The following PCDHGA5 variants were observed in gnomAD, a reference collection of about 807,000 sequenced individuals.
The protein encoded by PCDHGA5 is protocadherin gamma subfamily A, 5, also known as protocadherin gamma-A5.
A neutral mutation model predicts 56.7 loss-of-function variants in PCDHGA5; 36 were observed. That is an observed-to-expected ratio of 0.64 (90% CI 0.49 to 0.84). PCDHGA5 has a LOEUF of 0.84. PCDHGA5 is among the 40% of genes least tolerant of loss of function. PCDHGA5 has a pLI of 0.00. For synonymous variants in PCDHGA5, 563 were observed against 520.2 expected (o/e 1.08, Z -1.12); for missense variants, 1,305 against 1,201.5 (o/e 1.09, Z -1.27).
chr5:141,379,834 GA>G (rs199662644), intron 1 of PCDHGA5, among the ~76,000 whole-genome samples: 1 of 141,412 alleles, frequency 7.1e-6, no homozygotes, highest in Non-Finnish European at 1.5e-5. Context: ...GAAGCATCAG[GA>G]AAAAAAACTA....
intron 1 of PCDHGA5, chr5:141,390,721 T>G (rs1454628810): frequency 5.1e-6 from 1 of 195,622 alleles, no homozygotes; most frequent in African/African-American, 2.4e-5. Context: ...CTTAACTAAT[T>G]TAACTGGTAT....
chr5:141,475,167 G>A (rs529813171), intron 1 of PCDHGA5, among the ~76,000 whole-genome samples: 4 of 152,042 alleles, frequency 2.6e-5, no homozygotes, highest in Admixed American at 6.6e-5. Flanking sequence ...CATTAGCAGT[G>A]CAACTTCTTG....
chr5:141,495,977 T>C (rs2099765025), intron 2 of PCDHGA5, among the ~76,000 whole-genome samples: 1 of 152,174 alleles, frequency 6.6e-6, no homozygotes, highest in Admixed American at 6.5e-5. Flanking sequence ...TCTGTTACTC[T>C]TTCTTTATCT....
rs1264130543 is a variant in PCDHGA5 at position 141,485,467 on chromosome 5, C to T, written c.2422-9340C>T. 2 of 1,614,112 alleles carry T rather than the reference C, an allele frequency of 1.2e-6. No homozygotes were observed. The highest frequency in any genetic ancestry group is 1.7e-6 in the Non-Finnish European group (2 of 1,180,024). On this transcript the variant is annotated intron_variant, in intron 1 of 3. Transcript: ENST00000518069. The surrounding 1 kb of genome is among the most constrained non-coding windows in gnomAD (Gnocchi z 5.7). ...TCGACCGAGAGGCACTGTGTGGGCT[C>T]AGTGCCAGCTGCATCGTGCCCCTGG... is the stretch of plus-strand genomic sequence containing the variant.
chr5:141,433,408 A>ATCTATCT (rs1413347413), intron 1 of PCDHGA5, among the ~76,000 whole-genome samples: 44 of 127,346 alleles, frequency 3.5e-4, no homozygotes, highest in African/African-American at 1.2e-3. Context: ...TCTATCTATT[A>ATCTATCT]CTTTCTTGTA....
Position 141,476,441 on chromosome 5 carries a change from GAGTTGGT to G in PCDHGA5, c.2422-18362_2422-18356del. 3 of 1,614,160 alleles carry G rather than the reference GAGTTGGT, an allele frequency of 1.9e-6. No homozygotes were observed. The South Asian group carries it at 3.3e-5, about 18-fold the overall frequency. ...ACTGCCCTCTTGCACTGTAACTCTG[GAGTTGGT>G]AGTGGAGAACCCGCTGGAGCTGTTC... On this transcript the variant is annotated intron_variant, in intron 1 of 3. Transcript: ENST00000518069. The surrounding 1 kb of genome is among the most constrained non-coding windows in gnomAD (Gnocchi z 7.6).
intron 1 of PCDHGA5, chr5:141,422,201 G>T (rs764621323): frequency 1.9e-6 from 3 of 1,562,386 alleles, no homozygotes; most frequent in Admixed American, 2.0e-5. Flanking sequence ...GGCCAAGATG[G>T]TGGAGGTCTC....
chr5:141,394,643 G>T, intron 1 of PCDHGA5: 1 of 1,613,492 alleles, frequency 6.2e-7, no homozygotes, highest in Non-Finnish European at 8.5e-7. Flanking sequence ...GCCTGCTCAA[G>T]GCCAGCGAGC....
rs376978832 is a variant in PCDHGA5, at chr5:141,395,250, C to T, written c.2421+28499C>T. On this transcript the variant is annotated intron_variant, in intron 1 of 3. Transcript: ENST00000518069. ...TGATCATGGTCAGGTGAGTTTAGTT[C>T]TTTGCTTGCTTTTAATTTCCAGATG... 1.1e-5 allele frequency: 17 copies of T among 1,558,200 alleles called. No individual in the cohort carries two copies. In the African/African-American group the frequency reaches 2.3e-4, roughly 21 times the overall value.
rs774563598 is a variant in PCDHGA5 at position 141,431,225 on chromosome 5, C to T, written c.2422-63582C>T. 16 of 1,614,118 alleles carry T rather than the reference C, an allele frequency of 9.9e-6. No individual in the cohort carries two copies. The highest frequency in any genetic ancestry group is 1.2e-5 in the Non-Finnish European group (14 of 1,180,036). On this transcript the variant is annotated intron_variant, in intron 1 of 3. Transcript: ENST00000518069. The surrounding 1 kb of genome is among the most constrained non-coding windows in gnomAD (Gnocchi z 4.8). ...CACTGAGATGCGGTTCCCTCTACCC[C>T]ACGCCTGGGATCCGGATATCGGGAA...
chr5:141,397,910 C>T lies in PCDHGA5; in HGVS notation c.2421+31159C>T. 5 of 680,806 alleles carry T rather than the reference C, an allele frequency of 7.3e-6. No individual in the cohort carries two copies. The South Asian group carries it at 8.1e-5, about 11-fold the overall frequency. 42.2% of individuals were successfully genotyped at this position (680,806 alleles called of 1,614,324 possible). On this transcript the variant is annotated intron_variant, in intron 1 of 3. Transcript: ENST00000518069. ...TGGCCAAAGTGCAGAGCTTGGCGCT[C>T]CAGATCTCCTCGCGCAGCCGCAGCG...
chr5:141,432,343 G>C lies in PCDHGA5; in HGVS notation c.2422-62464G>C, dbSNP rs1174646711. 3 of 1,614,130 alleles carry C rather than the reference G, an allele frequency of 1.9e-6. No homozygotes were observed. On this transcript the variant is annotated intron_variant, in intron 1 of 3. Coordinates refer to ENST00000518069, the MANE Select transcript of PCDHGA5 (RefSeq NM_018918.3). This position sits in a 1 kb window ranked among gnomAD's most constrained non-coding sequence, Gnocchi z 6.0. ...TCGACTACGAGCAGTTCCGAGACTTGCAAGTGAAAGTGATGGCGCGGGACA... is the reference window on the plus strand; with the variant it reads ...TCGACTACGAGCAGTTCCGAGACTTCCAAGTGAAAGTGATGGCGCGGGACA...
At chr5:141,422,604 T>C in intron 1 of PCDHGA5, 1 of 1,614,030 alleles carries the variant, frequency 6.2e-7, no homozygotes, top group Non-Finnish European at 8.5e-7. Flanking sequence ...CCTCTTACTC[T>C]GCCTACATTC....
chr5:141,404,809 G>A (rs1383342554), intron 1 of PCDHGA5: 1 of 1,613,984 alleles, frequency 6.2e-7, no homozygotes, highest in East Asian at 2.2e-5. Flanking sequence ...TCTTCTCGGT[G>A]GGGCTGCACA....
rs1193095881 is a variant in PCDHGA5 at position 141,490,273 on chromosome 5, G to T, written c.2422-4534G>T. On this transcript the variant is annotated intron_variant, in intron 1 of 3. Coordinates refer to ENST00000518069, the MANE Select transcript of PCDHGA5 (RefSeq NM_018918.3). This position sits in a 1 kb window ranked among gnomAD's most constrained non-coding sequence, Gnocchi z 5.4. ...TCAAGTGGATGTGGGGGATGTCAAT[G>T]ACAATGCCCCAGAGGTGCTATTGGC... 6.2e-7 allele frequency: 1 copy of T among 1,614,108 alleles called. No homozygotes were observed. The highest frequency in any genetic ancestry group is 8.5e-7 in the Non-Finnish European group (1 of 1,180,052).
At chr5:141,451,180 T>C (rs1318435826) in intron 1 of PCDHGA5, among the ~76,000 whole-genome samples, 4 of 152,180 alleles carry the variant, frequency 2.6e-5, no homozygotes, top group Non-Finnish European at 4.4e-5. Flanking sequence ...ATTTAGCCAT[T>C]GCTGTGTAAC....
chr5:141,403,945 A>G (rs745421734), intron 1 of PCDHGA5: 48 of 1,613,810 alleles, frequency 3.0e-5, no homozygotes, highest in Non-Finnish European at 3.9e-5. Context: ...AAGGGTGGAC[A>G]AAAGTGCTCA....
At chr5:141,449,369 G>A (rs561017816) in intron 1 of PCDHGA5, among the ~76,000 whole-genome samples, 4 of 152,068 alleles carry the variant, frequency 2.6e-5, no homozygotes, top group South Asian at 4.2e-4. Flanking sequence ...CACTTTGGGA[G>A]GCTGAGGCAG....
chr5:141,460,498 T>G (rs1028506755), intron 1 of PCDHGA5, among the ~76,000 whole-genome samples: 1 of 152,184 alleles, frequency 6.6e-6, no homozygotes. Context: ...TGGAAAAATA[T>G]GCTGAGAAGG....
Sources: gnomAD v4.1 joint callset for allele counts (sites outside exome capture counted in the v4.1 genomes callset) on GRCh38, gnomAD v4.1.1 for gene constraint, Gnocchi (gnomAD v3.1) non-coding constraint, MANE v1.5 for transcripts, NCBI Gene and HGNC (gene_info 2026-07-23, HGNC 2026-07-21) for gene names.